Variants in ASIC4 observed in about 807,000 individuals in gnomAD.
ASIC4 encodes the protein acid-sensing ion channel 4.
ASIC4 carries 28 observed loss-of-function variants against 53.4 expected under a neutral mutation model. The ratio of observed to expected loss-of-function variants is 0.52; its 90% CI spans 0.39 to 0.72. The LOEUF is 0.72. Among genes scored for constraint, ASIC4 ranks in the 30% least tolerant of loss-of-function variants. The pLI is 0.00. For synonymous variants in ASIC4, 289 were observed against 301.4 expected, an observed-to-expected ratio of 0.96 and a Z score of 0.43; for missense variants, 649 against 729.7, an observed-to-expected ratio of 0.89 and a Z score of 1.27.
intron 5 of ASIC4, among the ~76,000 whole-genome samples, chr2:219,534,614 G>T (rs1414080315): frequency 1.3e-5 from 2 of 152,224 alleles, no homozygotes; most frequent in Non-Finnish European, 2.9e-5. Context: ...TGATGCATTT[G>T]GGGGAGATCA....
chr2:219,514,050 G>T (rs944807682), upstream of ASIC4: 2 of 420,008 alleles, frequency 4.8e-6, no homozygotes, highest in East Asian at 7.6e-5. Flanking sequence ...GCCAGGAGGT[G>T]GGGGGATAGA....
At chr2:219,526,338 G>C (rs957205042) in intron 1 of ASIC4, among the ~76,000 whole-genome samples, 1 of 152,180 alleles carries the variant, frequency 6.6e-6, no homozygotes, top group Admixed American at 6.5e-5. Context: ...CTGGCATGTT[G>C]GGTCAGGGTG....
chr2:219,535,036 TG>T, intron 5 of ASIC4, 134 bp from the exon 6 acceptor site: 2 of 1,320,300 alleles, frequency 1.5e-6, no homozygotes, highest in Non-Finnish European at 2.1e-6. Context: ...TAGGAAGCAC[TG>T]GGGCTGGCCA....
upstream of ASIC4, chr2:219,514,386 GCGCT>G: frequency 6.5e-7 from 1 of 1,547,460 alleles, no homozygotes; most frequent in Non-Finnish European, 8.7e-7. Context: ...TGGCGGAGCA[GCGCT>G]CGCTCCCTCG....
At chr2:219,529,124 C>A (rs1695001383) in intron 1 of ASIC4, among the ~76,000 whole-genome samples, 1 of 152,262 alleles carries the variant, frequency 6.6e-6, no homozygotes, top group Non-Finnish European at 1.5e-5. Flanking sequence ...ATTCTCTGAG[C>A]CTCCATTTCT....
upstream of ASIC4, among the ~76,000 whole-genome samples, chr2:219,513,219 GC>G (rs770909251): frequency 6.6e-6 from 1 of 150,748 alleles, no homozygotes; most frequent in Non-Finnish European, 1.5e-5. Flanking sequence ...GCTCATTAGC[GC>G]CCCGATTAAT....
intron 1 of ASIC4, among the ~76,000 whole-genome samples, chr2:219,519,777 T>TACAACTGGGACC (rs1431025203): frequency 3.3e-5 from 5 of 152,092 alleles, no homozygotes; most frequent in African/African-American, 1.2e-4. Flanking sequence ...GGGCTGGGAT[T>TACAACTGGGACC]ACAACTGGGA....
At chr2:219,519,914 G>C (rs1354398602) in intron 1 of ASIC4, among the ~76,000 whole-genome samples, 1 of 152,142 alleles carries the variant, frequency 6.6e-6, no homozygotes, top group Non-Finnish European at 1.5e-5. Context: ...GGGCAGTGGG[G>C]TGTCTGGAGA....
chr2:219,519,812 G>A (rs1424871298), intron 1 of ASIC4, among the ~76,000 whole-genome samples: 1 of 152,118 alleles, frequency 6.6e-6, no homozygotes, highest in African/African-American at 2.4e-5. Context: ...GGGTAGCTGC[G>A]GGCTGTGACT....
At position 219,532,645 on chromosome 2, in the gene ASIC4, T is replaced by C. The variant is rs918277332; in HGVS notation, c.1018+168T>C. 6.6e-5 allele frequency: 68 copies of C among 1,025,594 alleles called. No homozygotes were observed. The African/African-American group carries it at 9.5e-4, about 14-fold the overall frequency. 63.5% of individuals were successfully genotyped at this position (1,025,594 alleles called of 1,614,324 possible). On this transcript the variant is annotated intron_variant, in intron 4 of 9. Transcript: ENST00000358078. ...TGGGATTTTTAAACATGGTTTCACA[T>C]ATGCATGTGGGAATGCCGGCATGCA... is the stretch of plus-strand genomic sequence containing the variant.
intron 1 of ASIC4, 150 bp downstream of exon 1, chr2:219,515,456 C>T (rs558040509): frequency 4.4e-5 from 51 of 1,156,352 alleles, no homozygotes; most frequent in East Asian, 2.1e-4. Flanking sequence ...CCAAGCCTGG[C>T]GTCTCCCTCT....
intron 1 of ASIC4, among the ~76,000 whole-genome samples, chr2:219,523,507 A>G (rs536566623): frequency 2.0e-5 from 3 of 152,210 alleles, no homozygotes; most frequent in South Asian, 4.2e-4. Flanking sequence ...TGAAAAGCTC[A>G]TGGGTGGCGG....
At chr2:219,534,058 A>AAAGG in intron 5 of ASIC4, 1 of 149,364 alleles carries the variant, frequency 6.7e-6, no homozygotes, top group South Asian at 2.1e-4. Context: ...AAAAAAAAAA[A>AAAGG]GAGGAGGGAG....
chr2:219,532,253 G>T, intron 3 of ASIC4, 62 bp from the exon 4 acceptor site: 1 of 1,597,668 alleles, frequency 6.3e-7, no homozygotes, highest in Non-Finnish European at 8.6e-7. Flanking sequence ...TGCTGGGGCT[G>T]TGGGCACTGG....
At chr2:219,528,292 C>T (rs1214821458) in intron 1 of ASIC4, among the ~76,000 whole-genome samples, 1 of 152,170 alleles carries the variant, frequency 6.6e-6, no homozygotes, top group Non-Finnish European at 1.5e-5. Flanking sequence ...GGCGTGATCT[C>T]AGCTCACTGC....
At chr2:219,525,603 A>G (rs1215208387) in intron 1 of ASIC4, among the ~76,000 whole-genome samples, 1 of 152,224 alleles carries the variant, frequency 6.6e-6, no homozygotes, top group African/African-American at 2.4e-5. Flanking sequence ...AGTTCTGAGC[A>G]GCGCAGACAC....
chr2:219,534,603 T>C (rs1201236547), intron 5 of ASIC4, among the ~76,000 whole-genome samples: 2 of 152,200 alleles, frequency 1.3e-5, no homozygotes, highest in Non-Finnish European at 2.9e-5. Context: ...GGGAGTTTAG[T>C]TGATGCATTT....
At chr2:219,524,425 C>T (rs569665942) in intron 1 of ASIC4, among the ~76,000 whole-genome samples, 7 of 152,216 alleles carry the variant, frequency 4.6e-5, no homozygotes, top group Non-Finnish European at 1.0e-4. Context: ...TCTGTACCTC[C>T]GTTACCCTGT....
At position 219,535,151 on chromosome 2, in the gene ASIC4, C is replaced by T. The variant is rs367665918; in HGVS notation, c.1076-20C>T. 3.7e-6 allele frequency: 6 copies of T among 1,604,214 alleles called. No homozygotes were observed. In the African/African-American group the frequency reaches 5.4e-5, roughly 14 times the overall value. On this transcript the variant is annotated intron_variant, in intron 5 of 9. Transcript: ENST00000358078. ...CACCCTTCTCCAACTCCCACTGTAGCTGCTACCTCTGTGTTGCAGACTCCC... is the reference window on the plus strand; with the variant it reads ...CACCCTTCTCCAACTCCCACTGTAGTTGCTACCTCTGTGTTGCAGACTCCC...
Sources: allele counts gnomAD v4.1 joint callset (sites outside exome capture counted in the v4.1 genomes callset), GRCh38; gene constraint gnomAD v4.1.1; transcripts MANE v1.5; gene names NCBI Gene and HGNC (gene_info 2026-07-23, HGNC 2026-07-21).